The following RAB3B variants were observed in gnomAD, a reference collection of about 807,000 sequenced individuals.
RAB3B encodes the protein ras-related protein Rab-3B.
A neutral mutation model predicts 20.5 loss-of-function variants in RAB3B; 11 were observed. That is an observed-to-expected ratio of 0.54 (90% CI 0.34 to 0.89). RAB3B has a LOEUF of 0.89. Ranked by LOEUF, RAB3B falls within the 40% of genes least tolerant of loss-of-function variation. RAB3B has a pLI of 0.02. For synonymous variants in RAB3B, 99 were observed against 106.3 expected (o/e 0.93, Z 0.42); for missense variants, 225 against 280.9 (o/e 0.80, Z 1.42).
intron 1 of RAB3B, among the ~76,000 whole-genome samples, chr1:51,983,832 C>T (rs1000825317): frequency 6.7e-6 from 1 of 150,326 alleles, no homozygotes; most frequent in Non-Finnish European, 1.5e-5. Flanking sequence ...TGGTGGCGCA[C>T]ACCTGTAATT....
chr1:51,987,057 G>A (rs1003092975), intron 1 of RAB3B, among the ~76,000 whole-genome samples: 2 of 152,304 alleles, frequency 1.3e-5, no homozygotes, highest in African/African-American at 2.4e-5. Context: ...CTGGGAAGTC[G>A]TCCCTGTCCC....
intron 4 of RAB3B, among the ~76,000 whole-genome samples, chr1:51,927,944 C>T (rs374056147): frequency 2.0e-5 from 3 of 152,232 alleles, no homozygotes; most frequent in South Asian, 2.1e-4. Context: ...AGCCCCTTTC[C>T]GAGGAGCACA....
At chr1:51,974,464 C>T (rs1007694454) in intron 2 of RAB3B, among the ~76,000 whole-genome samples, 3 of 152,176 alleles carry the variant, frequency 2.0e-5, no homozygotes, top group Non-Finnish European at 4.4e-5. Flanking sequence ...ATGCTGATGC[C>T]ATGGGTCTGG....
At chr1:51,946,544 T>C (rs1046983440) in intron 2 of RAB3B, among the ~76,000 whole-genome samples, 1 of 152,184 alleles carries the variant, frequency 6.6e-6, no homozygotes, top group Admixed American at 6.5e-5. Flanking sequence ...GAGCTCTTCA[T>C]ATGGGCAGAG....
At chr1:51,952,531 C>T (rs192743794) in intron 2 of RAB3B, among the ~76,000 whole-genome samples, 1 of 152,246 alleles carries the variant, frequency 6.6e-6, no homozygotes, top group Non-Finnish European at 1.5e-5. Context: ...CAGGAATTTG[C>T]TTCCACTCTC....
At chr1:51,986,848 T>C (rs540598755) in intron 1 of RAB3B, among the ~76,000 whole-genome samples, 2 of 152,262 alleles carry the variant, frequency 1.3e-5, no homozygotes, top group African/African-American at 4.8e-5. Context: ...TACTCAGACA[T>C]TTGGAAGACA....
At chr1:51,939,429 T>G (rs569014024) in intron 2 of RAB3B, among the ~76,000 whole-genome samples, 1 of 152,264 alleles carries the variant, frequency 6.6e-6, no homozygotes, top group South Asian at 2.1e-4. Flanking sequence ...TGGGACTTTT[T>G]TTTTTTAAGA....
intron 1 of RAB3B, among the ~76,000 whole-genome samples, chr1:51,989,208 TTG>T (rs60661761): frequency 0.42 from 41,824 of 99,470 alleles, 8,550 homozygotes; most frequent in Middle Eastern, 0.49. Context: ...CCATCTTGTT[TTG>T]TGTGTGTGTG....
rs1273191156 is a variant in RAB3B, at chr1:51,913,100, G to C, written c.*6827C>G. On this transcript the variant is annotated 3_prime_UTR_variant, in exon 5 of 5. Coordinates refer to ENST00000371655, the MANE Select transcript of RAB3B (RefSeq NM_002867.4). ...AATCTTTCTGCTGGGCTTCTGGCCA[G>C]GAACTTCCGGTAGGAATTACAACCA... 1 of 152,156 alleles carries C rather than the reference G, an allele frequency of 6.6e-6. No homozygotes were observed. Among genetic ancestry groups the C allele is most frequent in the Non-Finnish European group, 1.5e-5 (1 of 68,014 alleles). 9.4% of individuals were successfully genotyped at this position (152,156 alleles called of 1,614,324 possible).
intron 1 of RAB3B, among the ~76,000 whole-genome samples, chr1:51,987,841 T>C (rs1252010396): frequency 6.6e-6 from 1 of 152,162 alleles, no homozygotes. Context: ...CCTCTGAATA[T>C]ACAGACTTCA....
intron 2 of RAB3B, among the ~76,000 whole-genome samples, chr1:51,941,639 T>C (rs1407927830): frequency 6.6e-6 from 1 of 152,210 alleles, no homozygotes; most frequent in Non-Finnish European, 1.5e-5. Context: ...TCCTCAGCAA[T>C]TCAGCTCTGG....
rs1341071019 is a variant in RAB3B at position 51,919,805 on chromosome 1, CT to C, written c.*121del. The C allele has an allele frequency of 2.0e-6, 2 of 1,019,856 alleles. No homozygotes were observed. Among genetic ancestry groups the C allele is most frequent in the African/African-American group, 3.3e-5 (2 of 61,424 alleles). The allele number at this position is 1,019,856 out of a possible 1,614,324, so 63.2% of individuals were successfully genotyped here. A position where few individuals can be genotyped will look rare whatever the true frequency, so the allele number is the denominator to read the frequency against. On this transcript the variant is annotated 3_prime_UTR_variant, in exon 5 of 5. Coordinates refer to ENST00000371655, the MANE Select transcript of RAB3B (RefSeq NM_002867.4). ...CAGGCAAAGAATAGCAGCAACTCAT[CT>C]TGCTCTGAGTGTGGGCAGTGTGTAA...
intron 2 of RAB3B, among the ~76,000 whole-genome samples, chr1:51,938,391 A>C (rs1308847394): frequency 6.6e-6 from 1 of 152,150 alleles, no homozygotes; most frequent in African/African-American, 2.4e-5. Context: ...AATCAGACAA[A>C]TATGTATGTA....
At chr1:51,929,970 T>G (rs1271492211) in intron 4 of RAB3B, among the ~76,000 whole-genome samples, 3 of 152,172 alleles carry the variant, frequency 2.0e-5, no homozygotes, top group Non-Finnish European at 4.4e-5. Flanking sequence ...GTCCTTAGGA[T>G]AATGAAACAA....
At chr1:51,954,706 CA>C (rs1320357993) in intron 2 of RAB3B, among the ~76,000 whole-genome samples, 1 of 152,172 alleles carries the variant, frequency 6.6e-6, no homozygotes, top group Non-Finnish European at 1.5e-5. Context: ...AACAGCACAG[CA>C]TCTGGGGAGA....
At chr1:51,923,120 A>G (rs530417823) in intron 4 of RAB3B, among the ~76,000 whole-genome samples, 14 of 152,362 alleles carry the variant, frequency 9.2e-5, no homozygotes, top group African/African-American at 3.4e-4. Context: ...AGTCTCTCCC[A>G]TCTGCAGTTC....
chr1:51,924,935 G>C (rs747023610), intron 4 of RAB3B, among the ~76,000 whole-genome samples: 7 of 152,012 alleles, frequency 4.6e-5, no homozygotes, highest in Non-Finnish European at 8.8e-5. Context: ...CTCCTAATTG[G>C]CTTCAGAACA....
intron 2 of RAB3B, among the ~76,000 whole-genome samples, chr1:51,945,905 G>A (rs976127345): frequency 6.6e-6 from 1 of 152,226 alleles, no homozygotes; most frequent in African/African-American, 2.4e-5. Flanking sequence ...GGACTAGTTG[G>A]TTATTTTATC....
At chr1:51,974,087 A>C (rs1039722242) in intron 2 of RAB3B, among the ~76,000 whole-genome samples, 1 of 152,178 alleles carries the variant, frequency 6.6e-6, no homozygotes, top group African/African-American at 2.4e-5. Context: ...TGCCACCTAT[A>C]GCCTCTCCAG....
Sources: gnomAD v4.1 joint callset for allele counts (sites outside exome capture counted in the v4.1 genomes callset) on GRCh38, gnomAD v4.1.1 for gene constraint, MANE v1.5 for transcripts, NCBI Gene and HGNC (gene_info 2026-07-23, HGNC 2026-07-21) for gene names.